MISP: variants seen among roughly 807,000 people sequenced by gnomAD.
MISP encodes mitotic interactor and substrate of PLK1.
Under a neutral mutation model 49.3 loss-of-function variants are expected in MISP, and 51 were observed. The ratio of observed to expected loss-of-function variants is 1.03; its 90% confidence interval spans 0.83 to 1.31. The LOEUF is 1.31. Ranked by LOEUF, MISP falls within the 50% of genes most tolerant of loss-of-function variation. The probability of loss-of-function intolerance (pLI) is 0.00; values close to 1 mark genes in which losing one functional copy is unlikely to be tolerated. For missense variants in MISP, 1,084 were observed against 935.1 expected, an observed-to-expected ratio of 1.16 and a Z score of -2.08; for synonymous variants, 444 against 392.6, an observed-to-expected ratio of 1.13 and a Z score of -1.55.
Position 763,553 on chromosome 19 carries a change from G to A in MISP, c.2003G>A (p.Trp668Ter). The change falls in exon 5 of 5, where the codon TGG (tryptophan) becomes TAG (stop). Residue 668 changes from tryptophan to a stop codon, truncating the protein, a stop_gained. Coordinates refer to ENST00000215582, the MANE Select transcript of MISP (RefSeq NM_173481.4). LOFTEE classifies it high-confidence loss of function. ...CACAAGAACGCCATGGCAGAGCGCT[G>A]GGAATCCCGCATCTACGCCAGTGAG... ...TRHKNAMAER[W>*]ESRIYASEED... 1 of 1,614,064 alleles carries A rather than the reference G, an allele frequency of 6.2e-7. No homozygotes were observed. The highest frequency in any genetic ancestry group is 8.5e-7 in the Non-Finnish European group (1 of 1,180,000).
chr19:756,786 C>T, intron 1 of MISP, 104 bp from the exon 2 acceptor site: 1 of 633,520 alleles, frequency 1.6e-6, no homozygotes, highest in Non-Finnish European at 2.7e-6. Flanking sequence ...CTAAACCAAT[C>T]ACAAAGGCCA....
At position 759,917 on chromosome 19, in the gene MISP, G is replaced by A; in HGVS notation, c.1789G>A (p.Gly597Ser). ...RSSSQASGIT[G>S]SYSVSESPFF... Reference sequence around the variant, plus strand: ...TCCCTGCTCCCCTACAGGCATCACGGGCAGTTACTCGGTGTCTGAGTCTCC... The same window carrying A: ...TCCCTGCTCCCCTACAGGCATCACGAGCAGTTACTCGGTGTCTGAGTCTCC... Residue 597 changes from glycine (G) to serine (S), a missense_variant, in exon 3 of 5, where the codon GGC (glycine) becomes AGC (serine). By Grantham distance (56) the Gly-to-Ser change is moderately conservative. Transcript: ENST00000215582. The A allele has an allele frequency of 6.2e-7, 1 of 1,614,032 alleles. No homozygotes were observed. Among genetic ancestry groups the A allele is most frequent in the Non-Finnish European group, 8.5e-7 (1 of 1,179,966 alleles).
chr19:757,429 C>G lies in MISP; in HGVS notation c.483C>G (p.Leu161=), dbSNP rs779862605. 6.3e-7 allele frequency: 1 copy of G among 1,596,868 alleles called. No homozygotes were observed. Among genetic ancestry groups the G allele is most frequent in the African/African-American group, 1.3e-5 (1 of 74,698 alleles). Residue 161 remains leucine, a synonymous_variant, in exon 2 of 5, where the codon CTC becomes CTG. Coordinates refer to ENST00000215582, the MANE Select transcript of MISP (RefSeq NM_173481.4). Reference sequence around the variant, plus strand: ...GGAAGAGCAGCACCGTGGCCACGCTCCAGGGCACTCCTGACCACGGAGACC... The same window carrying G: ...GGAAGAGCAGCACCGTGGCCACGCTGCAGGGCACTCCTGACCACGGAGACC... ...AVRKSSTVAT[L]QGTPDHGDPR...
At chr19:758,782 A>T in intron 2 of MISP, 56 bp downstream of exon 2, 1 of 1,482,136 alleles carries the variant, frequency 6.7e-7, no homozygotes. Flanking sequence ...AGGTTGGAGC[A>T]GGGGAGGGTG....
chr19:758,429 A>G lies in MISP; in HGVS notation c.1483A>G (p.Asn495Asp). The stretch of plus-strand genomic sequence containing the variant: ...GCCCCCTCGGGGATGCCCGCAAGCC[A>G]ACAGGGGTGTCGTGCGGTGGGAGTA... ...SKPPRGCPQANRGVVRWEYFR... is the reference protein window; with the variant it reads ...SKPPRGCPQADRGVVRWEYFR... The change falls in exon 2 of 5, where the codon AAC becomes GAC. Residue 495 changes from asparagine to aspartate, a missense_variant. Transcript: ENST00000215582. 6.2e-7 allele frequency: 1 copy of G among 1,614,182 alleles called. No individual in the cohort carries two copies. Among genetic ancestry groups the G allele is most frequent in the Non-Finnish European group, 8.5e-7 (1 of 1,180,028 alleles).
chr19:751,420 C>T (rs1468014639), intron 1 of MISP, among the ~76,000 whole-genome samples: 2 of 152,280 alleles, frequency 1.3e-5, no homozygotes, highest in African/African-American at 4.8e-5. Flanking sequence ...AGGCCCTTGT[C>T]CCTGAACTCT....
upstream of MISP, among the ~76,000 whole-genome samples, chr19:750,278 C>CAACCTCCA (rs1166392493): frequency 8.7e-5 from 13 of 148,752 alleles, no homozygotes; most frequent in African/African-American, 1.2e-4. Flanking sequence ...CGGCTCACTG[C>CAACCTCCA]AACCTCCAAC....
Position 757,570 on chromosome 19 carries a change from G to A in MISP, c.624G>A (p.Lys208=), listed in dbSNP as rs372681965. ...TCCTGAGTCTGGAGCAGGCGAACAA[G>A]GGGGCCCCTCATAGCTCCCCGGCCA... ...QQFLSLEQAN[K]GAPHSSPARG... The change falls in exon 2 of 5, where the codon AAG becomes AAA. Residue 208 remains lysine (K), a synonymous_variant. Coordinates refer to ENST00000215582, the MANE Select transcript of MISP (RefSeq NM_173481.4). 29 of 1,612,764 alleles carry A rather than the reference G, an allele frequency of 1.8e-5. No individual in the cohort carries two copies. The highest frequency in any genetic ancestry group is 2.4e-5 in the Non-Finnish European group (28 of 1,179,698).
chr19:752,579 G>C (rs1258342239), intron 1 of MISP, among the ~76,000 whole-genome samples: 1 of 151,944 alleles, frequency 6.6e-6, no homozygotes, highest in East Asian at 1.9e-4. Flanking sequence ...CAGGGGAGGG[G>C]GCCCAGTGGC....
intron 3 of MISP, among the ~76,000 whole-genome samples, chr19:760,717 G>GGGAGGGAT (rs1322149055): frequency 2.6e-5 from 4 of 151,900 alleles, no homozygotes; most frequent in Non-Finnish European, 5.9e-5. Context: ...GCAGGAGGGA[G>GGGAGGGAT]GGAGGGATGG....
Position 754,737 on chromosome 19 carries a change from G to C in MISP, c.-57-2153G>C, listed in dbSNP as rs140899340. ...CAATCTGGGTTACTTCCTGGAGGAG[G>C]TGTCCATGGGCTTCAGCAGAGGAAG... On this transcript the variant is annotated intron_variant, in intron 1 of 4. Coordinates refer to ENST00000215582, the MANE Select transcript of MISP (RefSeq NM_173481.4). Among the ~76,000 whole-genome samples the C allele has an allele frequency of 2.5e-3, 386 of 152,356 alleles. 2 individuals are homozygous for C. Among genetic ancestry groups the C allele is most frequent in the African/African-American group, 8.5e-3 (355 of 41,584 alleles).
intron 1 of MISP, among the ~76,000 whole-genome samples, chr19:755,651 G>T (rs1231277023): frequency 6.6e-6 from 1 of 152,156 alleles, no homozygotes; most frequent in Admixed American, 6.6e-5. Context: ...CAAGGCTGAG[G>T]CCAGGCGCGG....
At chr19:761,762 G>A in intron 4 of MISP, 99 bp downstream of exon 4, 4 of 1,309,646 alleles carry the variant, frequency 3.1e-6, no homozygotes, top group South Asian at 1.2e-5. Flanking sequence ...CAGGTGTGGG[G>A]ATCGTATTGG....
intron 3 of MISP, 140 bp downstream of exon 3, chr19:760,179 C>G: frequency 1.1e-6 from 1 of 894,626 alleles, no homozygotes; most frequent in Non-Finnish European, 1.7e-6. Context: ...CAGTCTCCTG[C>G]AGATGTCAGG....
At position 756,726 on chromosome 19, in the gene MISP, G is replaced by T. The variant is rs193214765; in HGVS notation, c.-57-164G>T. On this transcript the variant is annotated intron_variant, in intron 1 of 4. Coordinates refer to ENST00000215582, the MANE Select transcript of MISP (RefSeq NM_173481.4). Reference sequence around the variant, plus strand: ...ACGCACCCCTAAACCAATCACAGAGGTTAGAGAATGGGCTGCTCTGAGTGG... The same window carrying T: ...ACGCACCCCTAAACCAATCACAGAGTTTAGAGAATGGGCTGCTCTGAGTGG... 1.0e-3 allele frequency among the ~76,000 whole-genome samples: 153 copies of T among 151,962 alleles called. 1 individual carries two copies. In the Middle Eastern group the frequency reaches 0.01, roughly 10 times the overall value.
At chr19:761,546 G>T (rs1640307063) in intron 3 of MISP, 79 bp from the exon 4 acceptor site, 3 of 1,516,708 alleles carry the variant, frequency 2.0e-6, no homozygotes, top group Non-Finnish European at 2.7e-6. Flanking sequence ...TGACAGAGAG[G>T]GCTGTGTGGG....
At chr19:749,496 C>T (rs182060442), upstream of MISP, among the ~76,000 whole-genome samples, 58 of 145,982 alleles carry the variant, frequency 4.0e-4, no homozygotes, top group Non-Finnish European at 7.0e-4. Flanking sequence ...TTAGGTGCCA[C>T]GCTGTCCTTT....
intron 1 of MISP, among the ~76,000 whole-genome samples, chr19:755,200 G>C (rs2033530504): frequency 6.6e-6 from 1 of 152,154 alleles, no homozygotes; most frequent in Non-Finnish European, 1.5e-5. Context: ...TGACCTCCGG[G>C]AAGGCTCCTG....
At chr19:749,876 C>A (rs117814250), upstream of MISP, among the ~76,000 whole-genome samples, 11,523 of 151,980 alleles carry the variant, frequency 0.076, 631 homozygotes, top group South Asian at 0.2. Flanking sequence ...CTGCTGGATT[C>A]GTAGCTGGGG....
Sources: allele counts gnomAD v4.1 joint callset (sites outside exome capture counted in the v4.1 genomes callset), GRCh38; gene constraint gnomAD v4.1.1; transcripts MANE v1.5; gene names NCBI Gene and HGNC (gene_info 2026-07-23, HGNC 2026-07-21).